FKBP6: variants seen among roughly 807,000 people sequenced by gnomAD.
The protein encoded by FKBP6 is inactive peptidyl-prolyl cis-trans isomerase FKBP6.
Under a neutral mutation model 41.7 loss-of-function variants are expected in FKBP6, and 29 were observed. That is an observed-to-expected ratio of 0.70 (90% CI 0.52 to 0.95). FKBP6 has a LOEUF of 0.95. Ranked by LOEUF, FKBP6 falls within the 40% of genes least tolerant of loss-of-function variation. The pLI is 0.00. For missense variants in FKBP6, 338 were observed against 408.7 expected (o/e 0.83, Z 1.49); for synonymous variants, 130 against 165.1 (o/e 0.79, Z 1.63).
intron 8 of FKBP6, among the ~76,000 whole-genome samples, chr7:73,351,757 G>A (rs1167139857): frequency 4.6e-5 from 7 of 152,294 alleles, no homozygotes; most frequent in African/African-American, 1.7e-4. Context: ...GTTCTTTGCG[G>A]ATGAGGTACG....
rs1441223551 is a variant in FKBP6, at chr7:73,340,814, C to T, written c.765C>T (p.Ala255=). 3 of 1,613,728 alleles carry T rather than the reference C, an allele frequency of 1.9e-6. No homozygotes were observed. The highest frequency in any genetic ancestry group is 2.5e-6 in the Non-Finnish European group (3 of 1,179,906). The change falls in exon 6 of 9, where the codon GCC becomes GCT. Residue 255 remains alanine, a synonymous_variant. Coordinates refer to ENST00000252037, the MANE Select transcript of FKBP6 (RefSeq NM_003602.5). ...ALIIDQKNAK[A]LFRCGQACLL... The stretch of plus-strand genomic sequence containing the variant: ...TCATTGACCAAAAGAATGCCAAGGC[C>T]CTCTTCAGGTGTGGACAGGTGAGTT...
chr7:73,333,869 C>T (rs1395351103), intron 5 of FKBP6, among the ~76,000 whole-genome samples: 1 of 152,090 alleles, frequency 6.6e-6, no homozygotes, highest in East Asian at 1.9e-4. Context: ...GTCAGGAGTT[C>T]AAGACCAGCC....
At chr7:73,353,565 G>A (rs1805548476) in intron 8 of FKBP6, among the ~76,000 whole-genome samples, 1 of 152,132 alleles carries the variant, frequency 6.6e-6, no homozygotes, top group Non-Finnish European at 1.5e-5. Flanking sequence ...TCTTTCTGCT[G>A]TTTGTTTACT....
chr7:73,353,765 G>A (rs565506293), intron 8 of FKBP6, among the ~76,000 whole-genome samples: 7 of 147,334 alleles, frequency 4.8e-5, no homozygotes, highest in Non-Finnish European at 8.9e-5. Flanking sequence ...GCAAAGTCTC[G>A]CTCTATTGCC....
At chr7:73,340,297 G>A (rs1341456106) in intron 5 of FKBP6, among the ~76,000 whole-genome samples, 1 of 152,128 alleles carries the variant, frequency 6.6e-6, no homozygotes, top group Non-Finnish European at 1.5e-5. Flanking sequence ...GGGAGGCTGA[G>A]GCAGGTGGAT....
intron 4 of FKBP6, among the ~76,000 whole-genome samples, chr7:73,330,908 C>T (rs990005873): frequency 3.3e-5 from 5 of 152,194 alleles, no homozygotes; most frequent in African/African-American, 7.2e-5. Context: ...CTTCTGACCC[C>T]GTCAGCAGTC....
chr7:73,351,623 C>G (rs1341276833), intron 8 of FKBP6, among the ~76,000 whole-genome samples: 2 of 152,150 alleles, frequency 1.3e-5, no homozygotes, highest in Non-Finnish European at 2.9e-5. Flanking sequence ...CATACCCCTT[C>G]CTGGGAAGGC....
intron 5 of FKBP6, 72 bp downstream of exon 5, chr7:73,331,848 G>T: frequency 1.3e-6 from 2 of 1,503,088 alleles, no homozygotes; most frequent in Non-Finnish European, 1.8e-6. Flanking sequence ...CACAGATTTT[G>T]TTTTGTTGTG....
At chr7:73,337,636 G>A (rs1461853048) in intron 5 of FKBP6, among the ~76,000 whole-genome samples, 1 of 151,910 alleles carries the variant, frequency 6.6e-6, no homozygotes, top group African/African-American at 2.4e-5. Flanking sequence ...CATTCTACTT[G>A]CACCTTCCAA....
chr7:73,333,271 CA>C (rs201812607), intron 5 of FKBP6, among the ~76,000 whole-genome samples: 123 of 114,408 alleles, frequency 1.1e-3, no homozygotes, highest in Admixed American at 1.3e-3. Context: ...ATTCTGTCTC[CA>C]AAAAAAAAAA....
intron 5 of FKBP6, among the ~76,000 whole-genome samples, chr7:73,335,133 CAAA>C (rs10651287): frequency 3.9e-4 from 31 of 79,368 alleles, no homozygotes; most frequent in Admixed American, 4.3e-4. Flanking sequence ...TGTTCCTGGC[CAAA>C]AAAAAAAAAA....
intron 3 of FKBP6, 93 bp downstream of exon 3, chr7:73,329,542 G>T (rs1804766006): frequency 2.4e-6 from 2 of 841,856 alleles, no homozygotes; most frequent in Non-Finnish European, 4.2e-6. Context: ...CAGAGCGCAG[G>T]TTCTTTGAGT....
Position 73,334,235 on chromosome 7 carries a change from C to T in FKBP6, c.588+2459C>T, listed in dbSNP as rs555907647. On this transcript the variant is annotated intron_variant, in intron 5 of 8. Coordinates refer to ENST00000252037, the MANE Select transcript of FKBP6 (RefSeq NM_003602.5). ...ATTCCTAAATTTTACGGTGATGTGC[C>T]TCTGCGTGTGTGTATCTTTTCATTC... Among the ~76,000 whole-genome samples the T allele has an allele frequency of 2.6e-5, 4 of 152,232 alleles. No homozygotes were observed. In the East Asian group the frequency reaches 7.7e-4, roughly 29 times the overall value.
intron 8 of FKBP6, among the ~76,000 whole-genome samples, chr7:73,353,372 C>T (rs1805542834): frequency 6.6e-6 from 1 of 152,206 alleles, no homozygotes; most frequent in African/African-American, 2.4e-5. Context: ...TGTTACAGAT[C>T]AGCATCTGTG....
rs1554549789 is a variant in FKBP6 at position 73,342,819 on chromosome 7, C to T, written c.906C>T (p.Asp302=). The T allele has an allele frequency of 1.2e-6, 2 of 1,612,576 alleles. No homozygotes were observed. The highest frequency in any genetic ancestry group is 1.6e-4 in the Middle Eastern group (1 of 6,082). The change falls in exon 8 of 9, where the codon GAC becomes GAT. Residue 302 remains aspartate, a synonymous_variant. Transcript: ENST00000252037. ...TTTCCCTCTCCAGCTGTTACAGGGACTATGTGGATAAAGAGAAAGAAATGT... is the reference window on the plus strand; with the variant it reads ...TTTCCCTCTCCAGCTGTTACAGGGATTATGTGGATAAAGAGAAAGAAATGT... ...ELKKLASCYR[D]YVDKEKEMWH...
intron 8 of FKBP6, among the ~76,000 whole-genome samples, chr7:73,347,232 A>T (rs1340885269): frequency 6.6e-6 from 1 of 152,122 alleles, no homozygotes; most frequent in African/African-American, 2.4e-5. Context: ...TCATATTTTA[A>T]ATGCCAGGTA....
chr7:73,344,561 T>C (rs1554550034), intron 8 of FKBP6, among the ~76,000 whole-genome samples: 1 of 151,288 alleles, frequency 6.6e-6, no homozygotes, highest in Non-Finnish European at 1.5e-5. Context: ...AATCCAGTCA[T>C]CTTGACAACC....
Position 73,328,400 on chromosome 7 carries a change from G to T in FKBP6, c.-29G>T. The T allele has an allele frequency of 6.4e-7, 1 of 1,568,796 alleles. No individual in the cohort carries two copies. The highest frequency in any genetic ancestry group is 8.6e-7 in the Non-Finnish European group (1 of 1,157,756). On this transcript the variant is annotated 5_prime_UTR_variant, in exon 1 of 9. Coordinates refer to ENST00000252037, the MANE Select transcript of FKBP6 (RefSeq NM_003602.5). ...GGCAGCGGGGCGCACCAGGCCGAAG[G>T]CTCACGCCACAGGGAGGGCAGCTAG...
intron 5 of FKBP6, among the ~76,000 whole-genome samples, chr7:73,335,839 C>A (rs1293115359): frequency 5.3e-5 from 8 of 152,140 alleles, no homozygotes; most frequent in African/African-American, 1.9e-4. Flanking sequence ...TGGAGTACTA[C>A]CTGTCTTAGT....
Sources: allele counts gnomAD v4.1 joint callset (sites outside exome capture counted in the v4.1 genomes callset), GRCh38; gene constraint gnomAD v4.1.1; transcripts MANE v1.5; gene names NCBI Gene and HGNC (gene_info 2026-07-23, HGNC 2026-07-21).